PEPD: variants seen among roughly 807,000 people sequenced by gnomAD.
The protein encoded by PEPD is peptidase D.
PEPD carries 53 observed loss-of-function variants against 60.7 expected under a neutral mutation model. The observed-to-expected ratio is 0.87, with a 90% CI of 0.70 to 1.10. PEPD has a LOEUF of 1.10. Ranked by LOEUF, PEPD falls within the 50% of genes least tolerant of loss-of-function variation. The pLI is 0.00. For synonymous variants in PEPD, 267 were observed against 284.1 expected (o/e 0.94, Z 0.60); for missense variants, 711 against 711.9 (o/e 1.00, Z 0.01).
rs772101141 is a variant in PEPD at position 33,411,728 on chromosome 19, T to C, written c.762A>G (p.Leu254=). The stretch of plus-strand genomic sequence containing the variant: ...TGGGAGCTCCGGCGTGTCCGTAGTG[T>C]AGCACGGCTGAGTTCTCACCACTGC... The part of the protein sequence containing the change: ...ICGSGENSAV[L]HYGHAGAPND... Residue 254 remains leucine (L), a synonymous_variant, in exon 11 of 15, where the codon CTA becomes CTG. Transcript: ENST00000244137. 3 of 1,609,578 alleles carry C rather than the reference T, an allele frequency of 1.9e-6. No homozygotes were observed. Among genetic ancestry groups the C allele is most frequent in the Non-Finnish European group, 2.6e-6 (3 of 1,176,254 alleles).
chr19:33,510,930 C>T, intron 3 of PEPD, 98 bp downstream of exon 3: 1 of 1,301,482 alleles, frequency 7.7e-7, no homozygotes, highest in Non-Finnish European at 1.1e-6. Flanking sequence ...TCCCTCCTCC[C>T]CGTCCCCAGG....
intron 4 of PEPD, among the ~76,000 whole-genome samples, chr19:33,500,029 C>CA (rs1970679328): frequency 6.6e-6 from 1 of 152,262 alleles, no homozygotes; most frequent in Non-Finnish European, 1.5e-5. Context: ...GCCACTTCCA[C>CA]ACTGCAGCCC....
At chr19:33,449,965 T>A (rs1234271857) in intron 9 of PEPD, among the ~76,000 whole-genome samples, 1 of 152,190 alleles carries the variant, frequency 6.6e-6, no homozygotes, top group Non-Finnish European at 1.5e-5. Flanking sequence ...AAGCAGAGCA[T>A]GTGATGCCCC....
chr19:33,403,779 A>G (rs1568453419), intron 11 of PEPD, among the ~76,000 whole-genome samples: 1 of 152,242 alleles, frequency 6.6e-6, no homozygotes, highest in Admixed American at 6.5e-5. Context: ...GCAAAACACC[A>G]TAAGCAGTGT....
At chr19:33,388,544 T>C (rs939006130) in intron 13 of PEPD, 2 of 281,526 alleles carry the variant, frequency 7.1e-6, no homozygotes, top group Non-Finnish European at 1.4e-5. Context: ...GCCCCAGAAG[T>C]CGTGGTCCCA....
At chr19:33,467,329 T>C (rs1362102467) in intron 7 of PEPD, among the ~76,000 whole-genome samples, 1 of 151,718 alleles carries the variant, frequency 6.6e-6, no homozygotes, top group Admixed American at 6.6e-5. Context: ...ACAGTCATCA[T>C]AGAAACACAG....
intron 9 of PEPD, among the ~76,000 whole-genome samples, chr19:33,439,474 G>T (rs1396885445): frequency 1.3e-5 from 2 of 152,224 alleles, no homozygotes; most frequent in Non-Finnish European, 2.9e-5. Context: ...GGGAGTGCGT[G>T]GGCCTAGGCC....
intron 6 of PEPD, chr19:33,487,230 G>A (rs1404571966): frequency 5.9e-5 from 9 of 152,436 alleles, no homozygotes; most frequent in Admixed American, 5.9e-4. Flanking sequence ...GTGAGTGGAA[G>A]GCAGGGGGAT....
chr19:33,402,656 C>T (rs921911796), intron 11 of PEPD, among the ~76,000 whole-genome samples: 7 of 152,192 alleles, frequency 4.6e-5, no homozygotes, highest in African/African-American at 1.2e-4. Flanking sequence ...CACATGTCCC[C>T]GAAGCCAGGT....
chr19:33,415,996 G>T (rs1225379805), intron 9 of PEPD, among the ~76,000 whole-genome samples: 1 of 152,248 alleles, frequency 6.6e-6, no homozygotes, highest in African/African-American at 2.4e-5. Flanking sequence ...CAGACTTTAG[G>T]CTTGGGGTGT....
chr19:33,477,978 C>G (rs1303489252), intron 7 of PEPD, 68 bp downstream of exon 7: 71 of 1,072,248 alleles, frequency 6.6e-5, no homozygotes, highest in Non-Finnish European at 1.4e-6. Context: ...TGGGCAGGAA[C>G]AACAGGGCAT....
At chr19:33,493,481 A>C in intron 4 of PEPD, 144 bp from the exon 5 acceptor site, 1 of 718,366 alleles carries the variant, frequency 1.4e-6, no homozygotes. Context: ...CTCACCCTGC[A>C]GGTGAAGAAA....
chr19:33,480,541 A>G (rs1401011356), intron 6 of PEPD, among the ~76,000 whole-genome samples: 1 of 152,228 alleles, frequency 6.6e-6, no homozygotes, highest in African/African-American at 2.4e-5. Context: ...TCACGCCTGT[A>G]ATCGCAGCAC....
chr19:33,469,198 C>G (rs958262958), intron 7 of PEPD, among the ~76,000 whole-genome samples: 3 of 152,188 alleles, frequency 2.0e-5, no homozygotes, highest in African/African-American at 7.2e-5. Context: ...TGGCCCTTCT[C>G]TATGGCCACT....
intron 9 of PEPD, among the ~76,000 whole-genome samples, chr19:33,429,053 C>G (rs1209805896): frequency 6.6e-6 from 1 of 152,320 alleles, no homozygotes; most frequent in East Asian, 1.9e-4. Context: ...AGGACTGACT[C>G]TCATCCCAAG....
intron 7 of PEPD, among the ~76,000 whole-genome samples, chr19:33,467,802 A>G (rs1394845217): frequency 1.3e-5 from 2 of 152,214 alleles, no homozygotes; most frequent in East Asian, 1.9e-4. Flanking sequence ...CCAAGGGTAC[A>G]TATTGCTTTG....
Position 33,464,046 on chromosome 19 carries a change from C to T in PEPD, c.565G>A (p.Asp189Asn), listed in dbSNP as rs756716001. 3 of 1,613,024 alleles carry T rather than the reference C, an allele frequency of 1.9e-6. No individual in the cohort carries two copies. The highest frequency in any genetic ancestry group is 1.1e-5 in the South Asian group (1 of 90,988). Residue 189 changes from aspartate (D) to asparagine (N), a missense_variant, in exon 8 of 15, where the codon GAT becomes AAT. Transcript: ENST00000244137. ...TAGCGCAGAACCTCCAGCTCCATAT[C>T]CGTCTTAAACACTCGGCTTCAGAGA... is the stretch of plus-strand genomic sequence containing the variant. ...EIVECRVFKT[D>N]MELEVLRYTN...
At chr19:33,506,786 C>A (rs1335778973) in intron 3 of PEPD, among the ~76,000 whole-genome samples, 1 of 149,516 alleles carries the variant, frequency 6.7e-6, no homozygotes, top group East Asian at 2.0e-4. Flanking sequence ...ACACACACAC[C>A]CCATCACAAA....
chr19:33,473,855 G>A (rs1220240468), intron 7 of PEPD, among the ~76,000 whole-genome samples: 2 of 152,180 alleles, frequency 1.3e-5, no homozygotes, highest in Non-Finnish European at 2.9e-5. Context: ...GTGGGGAAGA[G>A]TATGATTATA....
Sources: allele counts gnomAD v4.1 joint callset (sites outside exome capture counted in the v4.1 genomes callset), GRCh38; gene constraint gnomAD v4.1.1; transcripts MANE v1.5; gene names NCBI Gene and HGNC (gene_info 2026-07-23, HGNC 2026-07-21).